TEX14: variants seen among roughly 807,000 people sequenced by gnomAD.
The protein encoded by TEX14 is testis expressed 14, intercellular bridge forming factor.
A neutral mutation model predicts 178.6 loss-of-function variants in TEX14; 168 were observed. That is an observed-to-expected ratio of 0.94 (90% CI 0.83 to 1.07). The LOEUF is 1.07. TEX14 is among the 50% of genes least tolerant of loss of function. The probability of loss-of-function intolerance (pLI) is 0.00; values close to 1 mark genes in which losing one functional copy is unlikely to be tolerated. For synonymous variants in TEX14, 626 were observed against 634.1 expected (o/e 0.99, Z 0.19); for missense variants, 1,730 against 1,753.6 (o/e 0.99, Z 0.24).
intron 2 of TEX14, among the ~76,000 whole-genome samples, chr17:58,632,725 A>G (rs1235794528): frequency 2.6e-5 from 4 of 152,342 alleles, no homozygotes; most frequent in African/African-American, 9.6e-5. Flanking sequence ...GGGTCAGCCC[A>G]TAAAAGGGAA....
In TEX14 at chr17:58,630,213, C is replaced by T. The variant is rs531161621; in HGVS notation, c.251+227G>A. Among the ~76,000 whole-genome samples the T allele has an allele frequency of 7.3e-5, 11 of 150,206 alleles. No individual in the cohort carries two copies. In the South Asian group the frequency reaches 1.3e-3, roughly 17 times the overall value. On this transcript the variant is annotated intron_variant, in intron 3 of 31. Transcript: ENST00000349033. Reference sequence around the variant, plus strand: ...CTGGGATTACAGGCATGCGCCACCACGCCTGGCTAATTTTTTGTATTTTTA... The same window carrying T: ...CTGGGATTACAGGCATGCGCCACCATGCCTGGCTAATTTTTTGTATTTTTA...
intron 10 of TEX14, among the ~76,000 whole-genome samples, chr17:58,608,126 T>C (rs2045654466): frequency 6.7e-6 from 1 of 150,224 alleles, no homozygotes; most frequent in African/African-American, 2.5e-5. Context: ...CTATAAAAAA[T>C]ACAAAAATTG....
chr17:58,656,494 G>C (rs2046964066), intron 1 of TEX14, among the ~76,000 whole-genome samples: 1 of 151,946 alleles, frequency 6.6e-6, no homozygotes, highest in Non-Finnish European at 1.5e-5. Flanking sequence ...AGTGGCTCAT[G>C]CCTGTAATCC....
rs1344893103 is a variant in TEX14 at position 58,564,081 on chromosome 17, TG to T, written c.4064+787del. On this transcript the variant is annotated intron_variant, in intron 28 of 31. Coordinates refer to ENST00000349033, the MANE Select transcript of TEX14 (RefSeq NM_031272.5). ...AGAAACTGAAACCCTTGTGCACTGT[TG>T]GTGGGACTGTAAAATGAGGCAGCTG... 2.0e-5 allele frequency: 3 copies of T among 152,284 alleles called. No individual in the cohort carries two copies. In the East Asian group the frequency reaches 5.8e-4, roughly 29 times the overall value. The allele number at this position is 152,284 out of a possible 1,614,324, so 9.4% of individuals were successfully genotyped here. A position where few individuals can be genotyped will look rare whatever the true frequency, so the allele number is the denominator to read the frequency against.
At chr17:58,670,771 TTAAAAAAAAAAAAA>T (rs1239923519) in intron 1 of TEX14, among the ~76,000 whole-genome samples, 3 of 7,956 alleles carry the variant, frequency 3.8e-4, no homozygotes, top group Admixed American at 2.1e-3. Context: ...AGACTCCCTC[TTAAAAAAAAAAAAA>T]AAAAAAAAAA....
intron 31 of TEX14, among the ~76,000 whole-genome samples, chr17:58,557,255 C>T (rs1285138741): frequency 6.6e-6 from 1 of 151,490 alleles, no homozygotes; most frequent in South Asian, 2.1e-4. Flanking sequence ...CTTCTGTATT[C>T]TCTCCATATT....
At chr17:58,565,097 T>G in intron 27 of TEX14, 129 bp from the exon 28 acceptor site, 7 of 469,010 alleles carry the variant, frequency 1.5e-5, no homozygotes, top group Non-Finnish European at 2.6e-5. Context: ...AGCTCCCCTC[T>G]TCCCAGGAGA....
At chr17:58,589,389 C>T (rs554871135) in intron 15 of TEX14, among the ~76,000 whole-genome samples, 7 of 148,906 alleles carry the variant, frequency 4.7e-5, no homozygotes, top group South Asian at 2.2e-4. Context: ...GGTGAAACCC[C>T]GTATCTCCTA....
At position 58,644,950 on chromosome 17, in the gene TEX14, C is replaced by T. The variant is rs571071099; in HGVS notation, c.136+6916G>A. 2.5e-3 allele frequency among the ~76,000 whole-genome samples: 373 copies of T among 151,284 alleles called. 1 individual carries two copies. Among genetic ancestry groups the T allele is most frequent in the Non-Finnish European group, 4.6e-3 (313 of 67,834 alleles). ...ACAGGCGTGAGCCACTGCGCCTAGC[C>T]TTGGCTGTTCTTGAGTTGTATTCTT... On this transcript the variant is annotated intron_variant, in intron 2 of 31. Transcript: ENST00000349033.
chr17:58,562,898 C>T (rs547719555), intron 28 of TEX14, among the ~76,000 whole-genome samples: 10 of 151,758 alleles, frequency 6.6e-5, no homozygotes, highest in African/African-American at 2.4e-4. Flanking sequence ...ATGGCAAAAC[C>T]CCATCTCTAC....
At chr17:58,629,543 G>T (rs2144573137) in intron 3 of TEX14, among the ~76,000 whole-genome samples, 1 of 150,736 alleles carries the variant, frequency 6.6e-6, no homozygotes, top group South Asian at 2.1e-4. Context: ...ACCAACTATT[G>T]GCCGGGCACG....
chr17:58,613,668 CT>C (rs573773529), intron 8 of TEX14, 124 bp from the exon 9 acceptor site: 7,644 of 963,170 alleles, frequency 7.9e-3, no homozygotes, highest in South Asian at 0.012. Context: ...CTTTTCTTTT[CT>C]TTTTTTTTTG....
intron 2 of TEX14, among the ~76,000 whole-genome samples, chr17:58,635,132 CA>C (rs71143260): frequency 3.9e-4 from 56 of 144,056 alleles, no homozygotes; most frequent in East Asian, 8.3e-4. Flanking sequence ...AACTCTGTCT[CA>C]AAAAAAAAAA....
At chr17:58,671,767 A>AT (rs1281542870) in intron 1 of TEX14, among the ~76,000 whole-genome samples, 1 of 151,962 alleles carries the variant, frequency 6.6e-6, no homozygotes, top group African/African-American at 2.4e-5. Flanking sequence ...TTTTCTCACC[A>AT]TTTTACATGT....
Position 58,556,822 on chromosome 17 carries a change from A to C in TEX14, c.*189T>G. On this transcript the variant is annotated 3_prime_UTR_variant, in exon 32 of 32. Transcript: ENST00000349033. ...CTCACTTTTCAGAAATCTGACTGAA[A>C]ACAAATGGTTGAATGTGCTGCTAAC... 2.0e-6 allele frequency: 1 copy of C among 493,116 alleles called. No individual in the cohort carries two copies. The allele number at this position is 493,116 out of a possible 1,614,324, so 30.5% of individuals were successfully genotyped here. A position where few individuals can be genotyped will look rare whatever the true frequency, so the allele number is the denominator to read the frequency against.
intron 3 of TEX14, among the ~76,000 whole-genome samples, chr17:58,627,059 C>G (rs1352421007): frequency 6.6e-6 from 1 of 152,136 alleles, no homozygotes; most frequent in African/African-American, 2.4e-5. Flanking sequence ...TTGTTATTGT[C>G]CCTTTCCACT....
chr17:58,649,029 G>A (rs1383286375), intron 2 of TEX14, among the ~76,000 whole-genome samples: 31 of 150,182 alleles, frequency 2.1e-4, no homozygotes, highest in Non-Finnish European at 3.5e-4. Flanking sequence ...CGCTCGCCTC[G>A]GTCTCCCAAA....
chr17:58,576,421 T>TTGCAGTCAGCTGAGATCACGCCAC (rs2044677436), intron 21 of TEX14, among the ~76,000 whole-genome samples: 2 of 151,956 alleles, frequency 1.3e-5, no homozygotes, highest in Non-Finnish European at 2.9e-5. Flanking sequence ...GAGGTGGAGG[T>TTGCAGTCAGCTGAGATCACGCCAC]TGCAGTGAGC....
chr17:58,631,717 C>A (rs1326061068), intron 2 of TEX14: 1 of 150,046 alleles, frequency 6.7e-6, no homozygotes, highest in Non-Finnish European at 1.5e-5. Context: ...ACACCAAACA[C>A]TGCTATCCCA....
Sources: allele counts gnomAD v4.1 joint callset (sites outside exome capture counted in the v4.1 genomes callset), GRCh38; gene constraint gnomAD v4.1.1; transcripts MANE v1.5; gene names NCBI Gene and HGNC (gene_info 2026-07-23, HGNC 2026-07-21).